The following CAST variants were observed in gnomAD, a reference collection of about 807,000 sequenced individuals.
CAST encodes MIR583 host.
A neutral mutation model predicts 119.6 loss-of-function variants in CAST; 76 were observed. The ratio of observed to expected loss-of-function variants is 0.64; its 90% CI spans 0.53 to 0.77. The LOEUF (loss-of-function observed/expected upper bound fraction) is 0.77, where lower values mean the gene tolerates loss of function less well. Among genes scored for constraint, CAST ranks in the 30% least tolerant of loss-of-function variants. The pLI is 0.00. For synonymous variants in CAST, 319 were observed against 331.6 expected (o/e 0.96, Z 0.41); for missense variants, 953 against 946.5 (o/e 1.01, Z -0.09).
At chr5:96,157,095 T>A in the CAST span, among the ~76,000 whole-genome samples, 9 of 152,244 alleles carry the variant, frequency 5.9e-5, no homozygotes, top group African/African-American at 2.2e-4. Context: ...TTAGGTTTAT[T>A]TTTTTTCTCT....
chr5:96,348,589 T>C, the CAST span, among the ~76,000 whole-genome samples: 3 of 152,076 alleles, frequency 2.0e-5, no homozygotes, highest in African/African-American at 7.2e-5. Flanking sequence ...ATAGTTCCAA[T>C]CAGATGGTTT....
At chr5:96,496,837 T>C in the CAST span, among the ~76,000 whole-genome samples, 10 of 150,926 alleles carry the variant, frequency 6.6e-5, no homozygotes, top group Admixed American at 6.6e-4. Context: ...ACTGTTTTGC[T>C]TTTTTTTTAG....
chr5:96,702,631 G>C (rs756657617), intron 3 of CAST, among the ~76,000 whole-genome samples: 24 of 152,198 alleles, frequency 1.6e-4, no homozygotes, highest in Non-Finnish European at 3.1e-4. Context: ...CACGTGGTCC[G>C]CATCACAGGC....
chr5:96,635,409 T>C (rs528942823), intron 1 of CAST, among the ~76,000 whole-genome samples: 1 of 152,286 alleles, frequency 6.6e-6, no homozygotes, highest in Non-Finnish European at 1.5e-5. Flanking sequence ...TCCTAATTGA[T>C]TGGGAATTCG....
At position 96,665,950 on chromosome 5, in the gene CAST, T is replaced by C. The variant is rs145333754; in HGVS notation, c.75+3453T>C. Among the ~76,000 whole-genome samples the C allele has an allele frequency of 3.7e-3, 566 of 152,338 alleles. 3 individuals carry two copies. The highest frequency in any genetic ancestry group is 0.013 in the African/African-American group (536 of 41,568). The stretch of plus-strand genomic sequence containing the variant: ...TATAATACATATATAGACAGATTTA[T>C]ATGCATATATATCTACAGATATAAA... On this transcript the variant is annotated intron_variant, in intron 1 of 31. Transcript: ENST00000675179.
chr5:96,671,621 A>G (rs1750086258), intron 1 of CAST, among the ~76,000 whole-genome samples: 1 of 152,188 alleles, frequency 6.6e-6, no homozygotes, highest in Admixed American at 6.5e-5. Context: ...AAAGAAGACC[A>G]CATAGGAGAT....
At chr5:96,684,505 T>C (rs1274831807) in intron 2 of CAST, among the ~76,000 whole-genome samples, 1 of 152,068 alleles carries the variant, frequency 6.6e-6, no homozygotes, top group African/African-American at 2.4e-5. Flanking sequence ...TAAAACCAAC[T>C]ACATGCAACA....
the CAST span, among the ~76,000 whole-genome samples, chr5:96,389,007 A>C: frequency 6.6e-6 from 1 of 152,160 alleles, no homozygotes; most frequent in Non-Finnish European, 1.5e-5. Context: ...ACAGAAAGAA[A>C]AATGCTGCAT....
At chr5:96,140,096 T>G in the CAST span, among the ~76,000 whole-genome samples, 1 of 152,212 alleles carries the variant, frequency 6.6e-6, no homozygotes, top group Non-Finnish European at 1.5e-5. Context: ...TTTGTCACAG[T>G]AGTCATTTTG....
the CAST span, among the ~76,000 whole-genome samples, chr5:96,201,252 C>CT: frequency 6.6e-6 from 1 of 152,026 alleles, no homozygotes; most frequent in Non-Finnish European, 1.5e-5. Context: ...TATTTAGCAA[C>CT]TATGTGCTAA....
chr5:96,502,792 A>T, the CAST span, among the ~76,000 whole-genome samples: 2 of 152,118 alleles, frequency 1.3e-5, no homozygotes, highest in Non-Finnish European at 2.9e-5. Context: ...AGACTATGGA[A>T]ATTTTTGCCA....
At chr5:96,741,665 T>C in intron 15 of CAST, 85 bp downstream of exon 15, 5 of 848,052 alleles carry the variant, frequency 5.9e-6, no homozygotes, top group Non-Finnish European at 9.7e-6. Flanking sequence ...ACATAACCCA[T>C]GATGAGAAGC....
the CAST span, among the ~76,000 whole-genome samples, chr5:96,099,689 T>A: frequency 3.9e-5 from 6 of 152,340 alleles, 1 homozygote; most frequent in Admixed American, 3.9e-4. Flanking sequence ...TTGATCATGG[T>A]TGATAAGCTT....
intron 10 of CAST, 41 bp from the exon 11 acceptor site, chr5:96,737,808 T>C (rs374497617): frequency 2.0e-4 from 232 of 1,151,616 alleles, no homozygotes; most frequent in Non-Finnish European, 2.8e-4. Context: ...GTGAAATATG[T>C]ATAACAAATA....
chr5:96,049,753 A>G, the CAST span, among the ~76,000 whole-genome samples: 4 of 152,100 alleles, frequency 2.6e-5, no homozygotes, highest in African/African-American at 9.7e-5. Context: ...GTGAGTCTGT[A>G]GCTCAGGGGA....
rs561564058 is a variant in CAST at position 96,534,833 on chromosome 5, G to A, written c.60+4953G>A. ...GAAAGAAAGAAAGAAAAGAAAGAAG[G>A]AAAGAAGGAAGGAAGGAGGGAGGGA... On this transcript the variant is annotated intron_variant, in intron 1 of 11. Transcript: ENST00000505143. Among the ~76,000 whole-genome samples the A allele has an allele frequency of 3.3e-3, 465 of 140,424 alleles. 6 individuals are homozygous for A. The highest frequency in any genetic ancestry group is 0.012 in the African/African-American group (446 of 37,940). 92.1% of individuals were successfully genotyped at this position (140,424 alleles called of 152,430 possible).
chr5:96,267,711 A>G, the CAST span, among the ~76,000 whole-genome samples: 1 of 152,218 alleles, frequency 6.6e-6, no homozygotes. Context: ...AATCCCACTA[A>G]TGTGCAAAAA....
chr5:96,558,993 A>T (rs1746300454), intron 1 of CAST, among the ~76,000 whole-genome samples: 1 of 152,126 alleles, frequency 6.6e-6, no homozygotes, highest in Non-Finnish European at 1.5e-5. Flanking sequence ...GCAGCACATC[A>T]AAAAGCTTAT....
At chr5:96,001,976 C>T in the CAST span, among the ~76,000 whole-genome samples, 1 of 152,118 alleles carries the variant, frequency 6.6e-6, no homozygotes, top group Non-Finnish European at 1.5e-5. Context: ...CTTCTGTTTC[C>T]CTCTGCATAC....
Sources: gnomAD v4.1 joint callset for allele counts (sites outside exome capture counted in the v4.1 genomes callset) on GRCh38, gnomAD v4.1.1 for gene constraint, MANE v1.5 for transcripts, NCBI Gene and HGNC (gene_info 2026-07-23, HGNC 2026-07-21) for gene names.